HSPA4L: variants seen among roughly 807,000 people sequenced by gnomAD.
HSPA4L encodes the protein heat shock protein family A (Hsp70) member 4 like, also known as heat shock 70 kDa protein 4L.
HSPA4L carries 48 observed loss-of-function variants against 100.3 expected under a neutral mutation model. The ratio of observed to expected loss-of-function variants is 0.48; its 90% confidence interval spans 0.38 to 0.61. The LOEUF (loss-of-function observed/expected upper bound fraction) is 0.61. Among genes scored for constraint, HSPA4L ranks in the 20% least tolerant of loss-of-function variants. The pLI is 0.00. For missense variants in HSPA4L, 886 were observed against 988.6 expected (o/e 0.90, Z 1.39); for synonymous variants, 319 against 328.2 (o/e 0.97, Z 0.30).
At chr4:127,801,458 CGTGTGTGTGT>C (rs33966471) in intron 5 of HSPA4L, among the ~76,000 whole-genome samples, 7,447 of 144,782 alleles carry the variant, frequency 0.051, 261 homozygotes, top group African/African-American at 0.099. Context: ...TATAAAAATA[CGTGTGTGTGT>C]GTGTGTGTGT....
At chr4:127,824,465 C>T (rs1560669919) in intron 16 of HSPA4L, among the ~76,000 whole-genome samples, 2 of 152,058 alleles carry the variant, frequency 1.3e-5, no homozygotes, top group South Asian at 2.1e-4. Flanking sequence ...TTTGAGAAGC[C>T]AGCAATGCTA....
Position 127,783,750 on chromosome 4 carries a change from G to C in HSPA4L, c.107+1093G>C, listed in dbSNP as rs1732635348. The stretch of plus-strand genomic sequence containing the variant: ...TAATACCTTAACTATACTAAAACAA[G>C]GTCAGTGTCCAATGGTCTTTAAATG... On this transcript the variant is annotated intron_variant, in intron 1 of 18. Coordinates refer to ENST00000296464, the MANE Select transcript of HSPA4L (RefSeq NM_014278.4). 5.9e-6 allele frequency: 8 copies of C among 1,361,254 alleles called. No homozygotes were observed. In the East Asian group the frequency reaches 2.0e-4, roughly 34 times the overall value. The allele number at this position is 1,361,254 out of a possible 1,614,324, so 84.3% of individuals were successfully genotyped here. A position where few individuals can be genotyped will look rare whatever the true frequency, so the allele number is the denominator to read the frequency against.
At chr4:127,791,271 G>T (rs1265638536) in intron 1 of HSPA4L, among the ~76,000 whole-genome samples, 1 of 152,098 alleles carries the variant, frequency 6.6e-6, no homozygotes, top group Non-Finnish European at 1.5e-5. Flanking sequence ...GAGCACAGAT[G>T]TCCAACCATT....
At chr4:127,814,592 G>A (rs1009611833) in intron 12 of HSPA4L, among the ~76,000 whole-genome samples, 8 of 151,448 alleles carry the variant, frequency 5.3e-5, no homozygotes, top group African/African-American at 1.9e-4. Context: ...TTTTGAGACG[G>A]AGTCTCGCTC....
chr4:127,793,675 G>A (rs1293407630), intron 1 of HSPA4L, among the ~76,000 whole-genome samples: 4 of 152,156 alleles, frequency 2.6e-5, no homozygotes, highest in Non-Finnish European at 5.9e-5. Flanking sequence ...TTCCAGACAA[G>A]AAGCTGAAGC....
intron 1 of HSPA4L, among the ~76,000 whole-genome samples, chr4:127,789,903 G>A (rs924745172): frequency 1.3e-5 from 2 of 152,124 alleles, no homozygotes; most frequent in African/African-American, 4.8e-5. Context: ...ATACTTGGCA[G>A]GTATTTTTTA....
Position 127,782,371 on chromosome 4 carries a change from C to T in HSPA4L, c.-180C>T. The T allele has an allele frequency of 1.7e-6, 1 of 588,468 alleles. No individual in the cohort carries two copies. The highest frequency in any genetic ancestry group is 3.0e-6 in the Non-Finnish European group (1 of 328,010). The allele number at this position is 588,468 out of a possible 1,614,324, so 36.5% of individuals were successfully genotyped here. On this transcript the variant is annotated 5_prime_UTR_variant, in exon 1 of 19. In the 5' UTR this introduces an upstream ATG that the reference lacks. Transcript: ENST00000296464. ...GACGCGGTGCAGGCTGCGGCGCTGA[C>T]GGCCTCTGCTCCTTCCGCGGGTTTC...
At chr4:127,800,314 T>C (rs998067130) in intron 4 of HSPA4L, among the ~76,000 whole-genome samples, 42 of 152,098 alleles carry the variant, frequency 2.8e-4, no homozygotes, top group Admixed American at 6.6e-4. Context: ...TTTGTTTTTT[T>C]TTAACTAGCC....
rs751873781 is a variant in HSPA4L, at chr4:127,805,733, C to A, written c.1184C>A (p.Thr395Lys). The A allele has an allele frequency of 1.2e-6, 2 of 1,612,740 alleles. No homozygotes were observed. The highest frequency in any genetic ancestry group is 1.7e-6 in the Non-Finnish European group (2 of 1,179,226). The change falls in exon 10 of 19, where the codon ACA (threonine) becomes AAA (lysine). Residue 395 changes from threonine to lysine, a missense_variant. Physicochemically the swap from Thr to Lys is moderately conservative, Grantham distance 78 (BLOSUM62 -1). Coordinates refer to ENST00000296464, the MANE Select transcript of HSPA4L (RefSeq NM_014278.4). Reference sequence around the variant, plus strand: ...TTTAAAGTGCGTGAATTTTCCATAACAGACCTTGTTCCCTATTCAATCACA... The same window carrying A: ...TTTAAAGTGCGTGAATTTTCCATAAAAGACCTTGTTCCCTATTCAATCACA... ...PAFKVREFSI[T>K]DLVPYSITLR...
rs926912030 is a variant in HSPA4L at position 127,835,862 on chromosome 4, T to A, written c.*2988T>A. 6.6e-6 allele frequency: 1 copy of A among 152,346 alleles called. No homozygotes were observed. Among genetic ancestry groups the A allele is most frequent in the African/African-American group, 2.4e-5 (1 of 41,414 alleles). The allele number at this position is 152,346 out of a possible 1,614,324, so 9.4% of individuals were successfully genotyped here. A position where few individuals can be genotyped will look rare whatever the true frequency, so the allele number is the denominator to read the frequency against. Reference sequence around the variant, plus strand: ...ACTTTGAGAGGCTAAGAAGGGAGGATCACTTGAACCCAGGAGTTCAAGACC... The same window carrying A: ...ACTTTGAGAGGCTAAGAAGGGAGGAACACTTGAACCCAGGAGTTCAAGACC... On this transcript the variant is annotated 3_prime_UTR_variant, in exon 19 of 19. Transcript: ENST00000296464.
chr4:127,820,281 C>T, intron 13 of HSPA4L, 147 bp from the exon 14 acceptor site: 1 of 598,114 alleles, frequency 1.7e-6, no homozygotes, highest in East Asian at 3.5e-5. Context: ...TTAACATACA[C>T]AGACTACAAA....
chr4:127,795,348 G>A (rs757974011), intron 2 of HSPA4L, among the ~76,000 whole-genome samples: 10 of 152,094 alleles, frequency 6.6e-5, no homozygotes, highest in Non-Finnish European at 1.5e-4. Context: ...CTTTTTAAGT[G>A]ACAACATGAT....
chr4:127,830,483 T>C (rs183906732), intron 17 of HSPA4L, among the ~76,000 whole-genome samples, 155 bp from the exon 18 acceptor site: 1 of 152,344 alleles, frequency 6.6e-6, no homozygotes, highest in East Asian at 1.9e-4. Context: ...TCCCATTCTC[T>C]TCAGTTCTGT....
intron 1 of HSPA4L, among the ~76,000 whole-genome samples, chr4:127,789,706 A>G (rs1320325984): frequency 6.6e-6 from 1 of 152,076 alleles, no homozygotes; most frequent in African/African-American, 2.4e-5. Context: ...TCTAAATAGT[A>G]GTTGAAATAA....
Position 127,804,237 on chromosome 4 carries a change from A to C in HSPA4L, c.985+150A>C, listed in dbSNP as rs527369095. On this transcript the variant is annotated intron_variant, in intron 8 of 18. Coordinates refer to ENST00000296464, the MANE Select transcript of HSPA4L (RefSeq NM_014278.4). The stretch of plus-strand genomic sequence containing the variant: ...GGAAGGAGATTATAACTCATTATTC[A>C]TAAGAGTAAGGCAGTATAATTCTGG... 2.1e-5 allele frequency: 13 copies of C among 631,670 alleles called. No individual in the cohort carries two copies. In the South Asian group the frequency reaches 2.8e-4, roughly 14 times the overall value. The allele number at this position is 631,670 out of a possible 1,614,324, so 39.1% of individuals were successfully genotyped here. A position where few individuals can be genotyped will look rare whatever the true frequency, so the allele number is the denominator to read the frequency against.
Position 127,832,968 on chromosome 4 carries a change from C to T in HSPA4L, c.*94C>T. 1 of 865,022 alleles carries T rather than the reference C, an allele frequency of 1.2e-6. No homozygotes were observed. The highest frequency in any genetic ancestry group is 1.7e-6 in the Non-Finnish European group (1 of 590,048). The allele number at this position is 865,022 out of a possible 1,614,324, so 53.6% of individuals were successfully genotyped here. A position where few individuals can be genotyped will look rare whatever the true frequency, so the allele number is the denominator to read the frequency against. ...TACACACAACAGACGCTCAGTTGTT[C>T]TTAACCACTTTTGTCATTTGTTTTT... On this transcript the variant is annotated 3_prime_UTR_variant, in exon 19 of 19. Coordinates refer to ENST00000296464, the MANE Select transcript of HSPA4L (RefSeq NM_014278.4).
rs1734238202 is a variant in HSPA4L at position 127,837,528 on chromosome 4, C to G, written c.*4654C>G. 1 of 152,170 alleles carries G rather than the reference C, an allele frequency of 6.6e-6. No individual in the cohort carries two copies. The highest frequency in any genetic ancestry group is 6.5e-5 in the Admixed American group (1 of 15,274). 9.4% of individuals were successfully genotyped at this position (152,170 alleles called of 1,614,324 possible). On this transcript the variant is annotated 3_prime_UTR_variant, in exon 19 of 19. Transcript: ENST00000296464. Reference sequence around the variant, plus strand: ...GTTTTGCAAAAATCAGTCCACTTAGCAAACTAATCTTTGTAAAGCAGTCAG... The same window carrying G: ...GTTTTGCAAAAATCAGTCCACTTAGGAAACTAATCTTTGTAAAGCAGTCAG...
At chr4:127,782,215 G>C (rs1732572337), upstream of HSPA4L, 2 of 396,946 alleles carry the variant, frequency 5.0e-6, no homozygotes, top group Non-Finnish European at 9.9e-6. Context: ...GCCGAAGTCC[G>C]GGCCCGGAGC....
At chr4:127,815,144 T>C (rs1408339174) in intron 12 of HSPA4L, among the ~76,000 whole-genome samples, 1 of 152,118 alleles carries the variant, frequency 6.6e-6, no homozygotes, top group African/African-American at 2.4e-5. Flanking sequence ...CTTTTTTTTT[T>C]CTATGAGGGT....
Sources: gnomAD v4.1 joint callset for allele counts (sites outside exome capture counted in the v4.1 genomes callset) on GRCh38, gnomAD v4.1.1 for gene constraint, MANE v1.5 for transcripts, NCBI Gene and HGNC (gene_info 2026-07-23, HGNC 2026-07-21) for gene names.